The following TANC2 variants were observed in gnomAD, a reference collection of about 807,000 sequenced individuals.
The protein encoded by TANC2 is protein TANC2.
TANC2 carries 26 observed loss-of-function variants against 210.5 expected under a neutral mutation model. The ratio of observed to expected loss-of-function variants is 0.12; its 90% CI spans 0.09 to 0.17. The LOEUF is 0.17. Ranked by LOEUF, TANC2 falls within the 10% of genes least tolerant of loss-of-function variation. TANC2 has a pLI of 1.00. For synonymous variants in TANC2, 931 were observed against 967.1 expected (o/e 0.96, Z 0.69); for missense variants, 2,129 against 2,608.9 (o/e 0.82, Z 4.01).
intron 2 of TANC2, among the ~76,000 whole-genome samples, chr17:63,057,557 T>C (rs1231434567): frequency 6.6e-6 from 1 of 151,998 alleles, no homozygotes; most frequent in Non-Finnish European, 1.5e-5. Flanking sequence ...AATAGATATA[T>C]TTTTTTTCGA....
chr17:63,249,031 A>T (rs552247133), intron 8 of TANC2, among the ~76,000 whole-genome samples: 1 of 152,208 alleles, frequency 6.6e-6, no homozygotes. Context: ...TTTTAAAAAC[A>T]TAAAGACTCC....
At chr17:63,313,955 G>A (rs1279580069) in intron 9 of TANC2, among the ~76,000 whole-genome samples, 4 of 152,130 alleles carry the variant, frequency 2.6e-5, no homozygotes, top group Non-Finnish European at 5.9e-5. Context: ...CCCCGCCACA[G>A]CCTGGCCTTT....
intron 2 of TANC2, among the ~76,000 whole-genome samples, chr17:63,056,174 TAA>T (rs79110107): frequency 2.7e-4 from 32 of 118,820 alleles, no homozygotes; most frequent in Non-Finnish European, 3.0e-4. Context: ...GACTCTGTGT[TAA>T]AAAAAAAAAA....
intron 7 of TANC2, among the ~76,000 whole-genome samples, chr17:63,203,225 T>C (rs1483076060): frequency 6.6e-6 from 1 of 152,202 alleles, no homozygotes; most frequent in Non-Finnish European, 1.5e-5. Flanking sequence ...TTCTAAAATC[T>C]GAAAACTCTT....
intron 14 of TANC2, among the ~76,000 whole-genome samples, chr17:63,366,247 ATATT>A (rs1290785760): frequency 1.3e-5 from 2 of 152,196 alleles, no homozygotes; most frequent in Non-Finnish European, 2.9e-5. Context: ...TATTCAGTGA[ATATT>A]TATTAAGTAA....
In TANC2 at chr17:63,230,840, T is replaced by A. The variant is rs116152290; in HGVS notation, c.770-6974T>A. 8.4e-3 allele frequency among the ~76,000 whole-genome samples: 1,286 copies of A among 152,320 alleles called. 15 individuals are homozygous for A. The highest frequency in any genetic ancestry group is 0.028 in the African/African-American group (1,178 of 41,566). On this transcript the variant is annotated intron_variant, in intron 7 of 27. Coordinates refer to ENST00000689528, the Ensembl canonical transcript of TANC2. ...ATATCTGTTAATTTTCTGTCTTGATTATCTGTCTAATATTGACATTGGGTG... is the reference window on the plus strand; with the variant it reads ...ATATCTGTTAATTTTCTGTCTTGATAATCTGTCTAATATTGACATTGGGTG...
intron 5 of TANC2, among the ~76,000 whole-genome samples, chr17:63,183,939 C>T (rs2145674319): frequency 6.6e-6 from 1 of 152,036 alleles, no homozygotes; most frequent in South Asian, 2.1e-4. Flanking sequence ...ATGGCGTGAA[C>T]CCGGGAGGCG....
chr17:63,310,841 A>T (rs920695013), intron 9 of TANC2, among the ~76,000 whole-genome samples: 1 of 152,234 alleles, frequency 6.6e-6, no homozygotes, highest in Non-Finnish European at 1.5e-5. Flanking sequence ...CGCAACCAGG[A>T]TAATCTTTCT....
chr17:63,071,670 G>A (rs540093675), intron 2 of TANC2, among the ~76,000 whole-genome samples: 1 of 152,054 alleles, frequency 6.6e-6, no homozygotes, highest in East Asian at 1.9e-4. Flanking sequence ...TTTTTCTTTA[G>A]AGAATATATC....
At chr17:63,371,171 A>T (rs2047256882) in intron 14 of TANC2, among the ~76,000 whole-genome samples, 1 of 152,054 alleles carries the variant, frequency 6.6e-6, no homozygotes, top group South Asian at 2.1e-4. Flanking sequence ...CACACAGAAT[A>T]TCAAAGCACC....
chr17:63,323,293 C>T (rs1423649189), intron 11 of TANC2, among the ~76,000 whole-genome samples: 1 of 152,212 alleles, frequency 6.6e-6, no homozygotes, highest in Non-Finnish European at 1.5e-5. Flanking sequence ...TATTTCATAA[C>T]ATTCTTGCTC....
intron 4 of TANC2, among the ~76,000 whole-genome samples, chr17:63,131,469 G>A (rs1439048874): frequency 6.6e-6 from 1 of 151,764 alleles, no homozygotes; most frequent in African/African-American, 2.4e-5. Context: ...AAAAAGGGGA[G>A]GATAAAACAT....
intron 9 of TANC2, among the ~76,000 whole-genome samples, chr17:63,312,271 C>T (rs901869124): frequency 2.0e-5 from 3 of 152,026 alleles, no homozygotes; most frequent in Admixed American, 2.0e-4. Context: ...TGCGTATGTT[C>T]ATTAAAATAC....
chr17:63,222,946 G>A (rs968620508), intron 7 of TANC2, among the ~76,000 whole-genome samples: 6 of 152,172 alleles, frequency 3.9e-5, no homozygotes, highest in African/African-American at 1.4e-4. Flanking sequence ...AACTTACTCA[G>A]TGATGAAAAG....
At chr17:63,242,553 G>A (rs1270743427) in intron 8 of TANC2, among the ~76,000 whole-genome samples, 2 of 152,054 alleles carry the variant, frequency 1.3e-5, no homozygotes, top group African/African-American at 4.8e-5. Context: ...AGCTCCAGGG[G>A]TTCTGGAGCT....
At chr17:63,115,554 C>T (rs2038218612) in intron 4 of TANC2, among the ~76,000 whole-genome samples, 1 of 152,130 alleles carries the variant, frequency 6.6e-6, no homozygotes, top group East Asian at 1.9e-4. Context: ...CTACTAGCTA[C>T]TTGTGAAAAG....
At chr17:63,123,462 G>A (rs970973910) in intron 4 of TANC2, among the ~76,000 whole-genome samples, 13 of 151,780 alleles carry the variant, frequency 8.6e-5, no homozygotes, top group Non-Finnish European at 1.6e-4. Context: ...GGGAGGCTGA[G>A]GCAGGAGAGT....
chr17:63,097,361 A>G (rs2037425832), intron 3 of TANC2, among the ~76,000 whole-genome samples: 1 of 152,052 alleles, frequency 6.6e-6, no homozygotes, highest in Non-Finnish European at 1.5e-5. Flanking sequence ...CCATTTTTAA[A>G]TTGGATTGTT....
At chr17:63,043,173 G>A (rs946351237) in intron 2 of TANC2, among the ~76,000 whole-genome samples, 25 of 152,186 alleles carry the variant, frequency 1.6e-4, no homozygotes, top group African/African-American at 5.8e-4. Context: ...ATTGAAGACA[G>A]CACATACATT....
Sources: gnomAD v4.1 joint callset for allele counts (sites outside exome capture counted in the v4.1 genomes callset) on GRCh38, gnomAD v4.1.1 for gene constraint, MANE v1.5 for transcripts, NCBI Gene and HGNC (gene_info 2026-07-23, HGNC 2026-07-21) for gene names.